CAPZA1: variants seen among roughly 807,000 people sequenced by gnomAD.
CAPZA1 encodes capping actin protein of muscle Z-line subunit alpha 1.
CAPZA1 carries 10 observed loss-of-function variants against 40.8 expected under a neutral mutation model. That is an observed-to-expected ratio of 0.25 (90% CI 0.15 to 0.42). CAPZA1 has a LOEUF of 0.42. Among genes scored for constraint, CAPZA1 ranks in the 10% least tolerant of loss-of-function variants. The probability of loss-of-function intolerance (pLI) is 1.00; values close to 1 mark genes in which losing one functional copy is unlikely to be tolerated. For missense variants in CAPZA1, 277 were observed against 353.8 expected, an observed-to-expected ratio of 0.78 and a Z score of 1.74; for synonymous variants, 98 against 115.0, an observed-to-expected ratio of 0.85 and a Z score of 0.95.
intron 1 of CAPZA1, among the ~76,000 whole-genome samples, chr1:112,637,339 C>T (rs2101149261): frequency 6.6e-6 from 1 of 152,352 alleles, no homozygotes. Context: ...GGTCTCAGTC[C>T]TGGGTATACT....
At chr1:112,622,602 A>G (rs1268908467) in intron 1 of CAPZA1, among the ~76,000 whole-genome samples, 1 of 152,212 alleles carries the variant, frequency 6.6e-6, no homozygotes, top group Non-Finnish European at 1.5e-5. Flanking sequence ...AAGTGTGACT[A>G]GCATATTTTT....
intron 1 of CAPZA1, among the ~76,000 whole-genome samples, chr1:112,624,605 CAAAAAAAAAAAAAAA>C (rs34860716): frequency 1.8e-5 from 1 of 55,828 alleles, no homozygotes; most frequent in Non-Finnish European, 3.0e-5. Context: ...AAAACTCCAT[CAAAAAAAAAAAAAAA>C]AAAAAAAAAA....
chr1:112,634,745 A>G (rs979875363), intron 1 of CAPZA1: 2 of 152,186 alleles, frequency 1.3e-5, no homozygotes, highest in Non-Finnish European at 2.9e-5. Flanking sequence ...TGAAAACCAG[A>G]AAACCTGCTA....
In CAPZA1 at chr1:112,667,121, T is replaced by A. The variant is rs199731043; in HGVS notation, c.633T>A (p.Asp211Glu). 206 of 1,610,894 alleles carry A rather than the reference T, an allele frequency of 1.3e-4. No homozygotes were observed. The highest frequency in any genetic ancestry group is 4.2e-4 in the Admixed American group (25 of 59,588). Residue 211 changes from aspartate (D) to glutamate (E), a missense_variant, in exon 8 of 10, where the codon GAT becomes GAA. By Grantham distance (45) the Asp-to-Glu change is conservative (BLOSUM62 2). Coordinates refer to ENST00000263168, the MANE Select transcript of CAPZA1 (RefSeq NM_006135.3). ...ATGTTCAGTTGGTTAGTCATAAAGA[T>A]GTACAGGATTCACTAACTGTTTCGG... ...DGNVQLVSHKDVQDSLTVSNE... is the reference protein window; with the variant it reads ...DGNVQLVSHKEVQDSLTVSNE...
intron 1 of CAPZA1, 109 bp downstream of exon 1, chr1:112,619,992 T>C: frequency 1.1e-6 from 1 of 881,368 alleles, no homozygotes; most frequent in Non-Finnish European, 1.8e-6. Context: ...AGCTTCTTGG[T>C]CCATGCTGAC....
chr1:112,667,074 G>A lies in CAPZA1; in HGVS notation c.586G>A (p.Val196Ile). ...AAGGCTCAAACATTGTCTCACACAGGTTCACTATTATGAAGATGGCAATGT... is the reference window on the plus strand; with the variant it reads ...AAGGCTCAAACATTGTCTCACACAGATTCACTATTATGAAGATGGCAATGT... ...AQVVGVLKIQ[V>I]HYYEDGNVQL... The change falls in exon 8 of 10, where the codon GTT (valine) becomes ATT (isoleucine). Residue 196 changes from valine to isoleucine, a missense_variant and splice_region_variant. By Grantham distance (29) the Val-to-Ile change is conservative. This residue lies in a region of CAPZA1 where 192 missense variants were observed against 277.2 expected (regional missense o/e 0.69). Transcript: ENST00000263168. 1.2e-6 allele frequency: 2 copies of A among 1,609,018 alleles called. No individual in the cohort carries two copies. Among genetic ancestry groups the A allele is most frequent in the Non-Finnish European group, 1.7e-6 (2 of 1,177,430 alleles).
intron 7 of CAPZA1, among the ~76,000 whole-genome samples, chr1:112,665,206 T>G (rs1671702038): frequency 7.0e-6 from 1 of 143,258 alleles, no homozygotes; most frequent in South Asian, 2.3e-4. Flanking sequence ...AGACAGAGTC[T>G]TACTCTGTCA....
At chr1:112,624,137 A>T (rs1670749096) in intron 1 of CAPZA1, among the ~76,000 whole-genome samples, 1 of 152,094 alleles carries the variant, frequency 6.6e-6, no homozygotes, top group South Asian at 2.1e-4. Flanking sequence ...CTTCCAGAAC[A>T]CTTAGCTGTT....
chr1:112,638,897 CATAGAT>C (rs71084484), intron 1 of CAPZA1, among the ~76,000 whole-genome samples: 55,917 of 138,844 alleles, frequency 0.4, 11,713 homozygotes, highest in East Asian at 0.56. Flanking sequence ...AGCGAGACTC[CATAGAT>C]ATAGATATAG....
chr1:112,663,381 G>A (rs1292999126), intron 7 of CAPZA1, among the ~76,000 whole-genome samples: 1 of 151,990 alleles, frequency 6.6e-6, no homozygotes, highest in African/African-American at 2.4e-5. Flanking sequence ...TTATCTATTG[G>A]GATTTTAACC....
At chr1:112,621,833 C>T (rs1670679487) in intron 1 of CAPZA1, among the ~76,000 whole-genome samples, 1 of 148,230 alleles carries the variant, frequency 6.7e-6, no homozygotes, top group Non-Finnish European at 1.5e-5. Context: ...GCGATCTCCG[C>T]TCGCTGCAAC....
At chr1:112,642,236 A>C (rs1671185004) in intron 1 of CAPZA1, among the ~76,000 whole-genome samples, 1 of 132,720 alleles carries the variant, frequency 7.5e-6, no homozygotes, top group Non-Finnish European at 1.6e-5. Context: ...TTTTTGAGAC[A>C]GAATCTCACT....
At chr1:112,650,981 C>G (rs906902420) in intron 3 of CAPZA1, among the ~76,000 whole-genome samples, 1 of 152,142 alleles carries the variant, frequency 6.6e-6, no homozygotes, top group Admixed American at 6.5e-5. Flanking sequence ...TTCCTGGACC[C>G]AAATATTTGA....
At position 112,659,583 on chromosome 1, in the gene CAPZA1, TCTC is replaced by T. The variant is rs1358127678; in HGVS notation, c.507-117_507-115del. The T allele has an allele frequency of 8.7e-3, 3,834 of 438,614 alleles. 2 individuals carry two copies. Among genetic ancestry groups the T allele is most frequent in the East Asian group, 0.054 (621 of 11,454 alleles). The allele number at this position is 438,614 out of a possible 1,614,324, so 27.2% of individuals were successfully genotyped here. A position where few individuals can be genotyped will look rare whatever the true frequency, so the allele number is the denominator to read the frequency against. ...AACTGGAAATGACAGTTTCTCTCTC[TCTC>T]TTTTTTTTTTTCTTTTTTTGCACCC... On this transcript the variant is annotated intron_variant, in intron 6 of 9. Coordinates refer to ENST00000263168, the MANE Select transcript of CAPZA1 (RefSeq NM_006135.3).
In CAPZA1 at chr1:112,624,605, CAAAAAAAAAAAA is replaced by C. The variant is rs34860716; in HGVS notation, c.39+4737_39+4748del. Among the ~76,000 whole-genome samples, 370 of 55,852 alleles carry C rather than the reference CAAAAAAAAAAAA, an allele frequency of 6.6e-3. 4 individuals are homozygous for C. The highest frequency in any genetic ancestry group is 0.028 in the African/African-American group (339 of 12,262). The allele number at this position is 55,852 out of a possible 152,430, so 36.6% of individuals were successfully genotyped here. On this transcript the variant is annotated intron_variant, in intron 1 of 9. Coordinates refer to ENST00000263168, the MANE Select transcript of CAPZA1 (RefSeq NM_006135.3). The stretch of plus-strand genomic sequence containing the variant: ...CCTGGGCAACAGAGCAAAACTCCAT[CAAAAAAAAAAAA>C]AAAAAAAAAAAAAAGAGGTATTATG...
Position 112,670,369 on chromosome 1 carries a change from T to TTTC in CAPZA1, c.*239_*240insCTT, listed in dbSNP as rs1335822493. Reference sequence around the variant, plus strand: ...ACGTGTAAATCTTTTTTTCTTTTTTTTTTTTTTTTTTTGGTTAATTCTGCC... The same window carrying TTTC: ...ACGTGTAAATCTTTTTTTCTTTTTTTTTCTTTTTTTTTTTTGGTTAATTCTGCC... On this transcript the variant is annotated 3_prime_UTR_variant, in exon 10 of 10. Transcript: ENST00000263168. 2.4e-5 allele frequency: 10 copies of TTTC among 413,466 alleles called. No individual in the cohort carries two copies. The highest frequency in any genetic ancestry group is 4.3e-5 in the Admixed American group (1 of 23,236). 25.6% of individuals were successfully genotyped at this position (413,466 alleles called of 1,614,324 possible).
intron 3 of CAPZA1, among the ~76,000 whole-genome samples, chr1:112,652,409 G>A (rs1671409170): frequency 6.7e-6 from 1 of 150,168 alleles, no homozygotes. Flanking sequence ...AACCCGGGAA[G>A]TGGAGGTTGT....
rs1401639177 is a variant in CAPZA1 at position 112,651,821 on chromosome 1, A to AG, written c.156-1776dup. 2.6e-5 allele frequency among the ~76,000 whole-genome samples: 4 copies of AG among 152,346 alleles called. No homozygotes were observed. In the East Asian group the frequency reaches 7.7e-4, roughly 29 times the overall value. ...TGTGGTGTTTTAAGGAGTAAAACAC[A>AG]GTAATAACTTTTGGCTGGGTGTGGT... On this transcript the variant is annotated intron_variant, in intron 3 of 9. Coordinates refer to ENST00000263168, the MANE Select transcript of CAPZA1 (RefSeq NM_006135.3).
At chr1:112,630,606 G>C (rs1670902727) in intron 1 of CAPZA1, among the ~76,000 whole-genome samples, 1 of 152,024 alleles carries the variant, frequency 6.6e-6, no homozygotes, top group Non-Finnish European at 1.5e-5. Flanking sequence ...TCCTCCCTAA[G>C]TGCTGGGATT....
Sources: gnomAD v4.1 joint callset for allele counts (sites outside exome capture counted in the v4.1 genomes callset) on GRCh38, gnomAD v4.1.1 for gene constraint, gnomAD v4.1.1 regional missense constraint, MANE v1.5 for transcripts, NCBI Gene and HGNC (gene_info 2026-07-23, HGNC 2026-07-21) for gene names.